Variants in C9 observed in about 807,000 individuals in gnomAD.
C9 encodes complement component C9.
A neutral mutation model predicts 65.4 loss-of-function variants in C9; 63 were observed. The ratio of observed to expected loss-of-function variants is 0.96; its 90% CI spans 0.79 to 1.19. C9 has a LOEUF of 1.19. Ranked by LOEUF, C9 falls within the 50% of genes most tolerant of loss-of-function variation. The pLI is 0.00. For synonymous variants in C9, 229 were observed against 227.9 expected, an observed-to-expected ratio of 1.00 and a Z score of -0.04; for missense variants, 744 against 670.1, an observed-to-expected ratio of 1.11 and a Z score of -1.22.
intron 1 of C9, among the ~76,000 whole-genome samples, chr5:39,353,620 T>C (rs3776526): frequency 0.2 from 30,893 of 152,190 alleles, 3,981 homozygotes; most frequent in Non-Finnish European, 0.28. Context: ...CTTGTTCTCA[T>C]ATTTCATTGA....
At chr5:39,313,387 T>G (rs1273885980) in intron 6 of C9, among the ~76,000 whole-genome samples, 2 of 152,106 alleles carry the variant, frequency 1.3e-5, no homozygotes, top group East Asian at 3.9e-4. Context: ...AGCCCTCATC[T>G]TCTTAGCCCT....
At chr5:39,357,479 C>T (rs896223055) in intron 1 of C9, among the ~76,000 whole-genome samples, 12 of 152,258 alleles carry the variant, frequency 7.9e-5, no homozygotes, top group African/African-American at 1.4e-4. Context: ...TGGTACATGT[C>T]GGAAATTGTT....
intron 1 of C9, among the ~76,000 whole-genome samples, chr5:39,359,402 G>A (rs933208051): frequency 6.6e-6 from 1 of 151,838 alleles, no homozygotes; most frequent in African/African-American, 2.4e-5. Flanking sequence ...GAGTCTAAGT[G>A]GTATTTCATC....
chr5:39,355,698 AC>A (rs1194248472), intron 1 of C9, among the ~76,000 whole-genome samples: 3 of 152,170 alleles, frequency 2.0e-5, no homozygotes, highest in African/African-American at 7.2e-5. Context: ...ACAAAGTACC[AC>A]AGACTGGGTG....
intron 1 of C9, among the ~76,000 whole-genome samples, chr5:39,362,843 T>C (rs903538195): frequency 6.6e-6 from 1 of 152,162 alleles, no homozygotes; most frequent in African/African-American, 2.4e-5. Flanking sequence ...GCACAGAGCA[T>C]TCAGAGCAGG....
At chr5:39,291,082 A>G (rs1013313417) in intron 9 of C9, among the ~76,000 whole-genome samples, 4 of 151,898 alleles carry the variant, frequency 2.6e-5, no homozygotes, top group African/African-American at 7.2e-5. Flanking sequence ...AAATAACACA[A>G]CATGAATGAG....
chr5:39,294,876 T>C (rs1228885536), intron 9 of C9, among the ~76,000 whole-genome samples: 1 of 151,790 alleles, frequency 6.6e-6, no homozygotes, highest in Non-Finnish European at 1.5e-5. Flanking sequence ...CATGATCAAG[T>C]GGGCATGAAT....
chr5:39,288,200 A>G (rs976897944), intron 10 of C9, among the ~76,000 whole-genome samples: 4 of 151,942 alleles, frequency 2.6e-5, no homozygotes, highest in African/African-American at 9.7e-5. Flanking sequence ...AAAGATACAT[A>G]CCAACTTAAT....
At chr5:39,290,277 A>C (rs185180758) in intron 9 of C9, among the ~76,000 whole-genome samples, 1 of 151,912 alleles carries the variant, frequency 6.6e-6, no homozygotes, top group Admixed American at 6.6e-5. Flanking sequence ...TGGAGATATC[A>C]TAACATATAC....
At chr5:39,335,096 T>C (rs1369160650) in intron 4 of C9, among the ~76,000 whole-genome samples, 1 of 152,158 alleles carries the variant, frequency 6.6e-6, no homozygotes, top group Non-Finnish European at 1.5e-5. Context: ...ATGACCTGGG[T>C]TGTTTCTTAA....
intron 5 of C9, among the ~76,000 whole-genome samples, chr5:39,319,865 G>A (rs1284974969): frequency 2.0e-5 from 3 of 152,038 alleles, no homozygotes; most frequent in African/African-American, 4.8e-5. Context: ...ATGGATACAG[G>A]CACCAGGCTC....
At chr5:39,320,224 G>A (rs1173031797) in intron 5 of C9, among the ~76,000 whole-genome samples, 1 of 151,986 alleles carries the variant, frequency 6.6e-6, no homozygotes, top group Non-Finnish European at 1.5e-5. Context: ...GCTTAAAGAA[G>A]CTCAGTGAGC....
chr5:39,288,691 G>A lies in C9; in HGVS notation c.1645+32C>T, dbSNP rs184697924. ...AGATAACCCCAAAGTGCATATTTTT[G>A]TCTTTAATCACATCAAATAAATTGT... On this transcript the variant is annotated intron_variant, in intron 10 of 10. Transcript: ENST00000263408. The A allele has an allele frequency of 1.7e-3, 2,122 of 1,223,298 alleles. 3 individuals carry two copies. Among genetic ancestry groups the A allele is most frequent in the Non-Finnish European group, 2.0e-3 (1,686 of 824,666 alleles). 75.8% of individuals were successfully genotyped at this position (1,223,298 alleles called of 1,614,324 possible). A position where few individuals can be genotyped will look rare whatever the true frequency, so the allele number is the denominator to read the frequency against.
At chr5:39,322,473 A>C (rs1234074672) in intron 5 of C9, among the ~76,000 whole-genome samples, 1 of 152,118 alleles carries the variant, frequency 6.6e-6, no homozygotes, top group Non-Finnish European at 1.5e-5. Context: ...AATTGAAGTA[A>C]GAGAATAATA....
rs751119325 is a variant in C9 at position 39,306,680 on chromosome 5, A to G, written c.1353T>C (p.Asp451=). 1.9e-6 allele frequency: 3 copies of G among 1,613,794 alleles called. No individual in the cohort carries two copies. The highest frequency in any genetic ancestry group is 2.2e-5 in the East Asian group (1 of 44,862). The change falls in exon 9 of 11, where the codon GAT becomes GAC. Residue 451 remains aspartate (D), a synonymous_variant. Coordinates refer to ENST00000263408, the MANE Select transcript of C9 (RefSeq NM_001737.5). ...AGGCCCAGTTGACAAAGTCAGTCAC[A>G]TCAATCACGGTTCCTCGGAGAAGCT... is the stretch of plus-strand genomic sequence containing the variant. The part of the protein sequence containing the change: ...KEKLLRGTVI[D]VTDFVNWASS...
intron 1 of C9, among the ~76,000 whole-genome samples, chr5:39,348,676 T>C (rs1561353995): frequency 6.6e-6 from 1 of 152,202 alleles, no homozygotes; most frequent in Non-Finnish European, 1.5e-5. Flanking sequence ...ACTGGGTATA[T>C]ACCCAAAGGA....
intron 1 of C9, among the ~76,000 whole-genome samples, chr5:39,347,445 C>T (rs1754223245): frequency 6.6e-6 from 1 of 152,098 alleles, no homozygotes; most frequent in African/African-American, 2.4e-5. Context: ...GAATAAAATA[C>T]CCAGGAATCC....
At chr5:39,332,460 G>A (rs1158700639) in intron 4 of C9, among the ~76,000 whole-genome samples, 1 of 152,116 alleles carries the variant, frequency 6.6e-6, no homozygotes, top group African/African-American at 2.4e-5. Flanking sequence ...TATTTGGCAA[G>A]CTTTCATTCA....
intron 4 of C9, among the ~76,000 whole-genome samples, chr5:39,338,175 T>C (rs1273265058): frequency 2.0e-5 from 3 of 152,228 alleles, no homozygotes. Context: ...CTATATTCCT[T>C]AATTCAAATA....
Sources: gnomAD v4.1 joint callset for allele counts (sites outside exome capture counted in the v4.1 genomes callset) on GRCh38, gnomAD v4.1.1 for gene constraint, MANE v1.5 for transcripts, NCBI Gene and HGNC (gene_info 2026-07-23, HGNC 2026-07-21) for gene names.